The following CHRNE variants were observed in gnomAD, a reference collection of about 807,000 sequenced individuals.
CHRNE encodes cholinergic receptor nicotinic epsilon subunit, also known as acetylcholine receptor subunit epsilon.
A neutral mutation model predicts 56.5 loss-of-function variants in CHRNE; 58 were observed. The observed-to-expected ratio is 1.03, with a 90% CI of 0.83 to 1.28. The LOEUF is 1.28. Ranked by LOEUF, CHRNE falls within the 50% of genes most tolerant of loss-of-function variation. The probability of loss-of-function intolerance (pLI) is 0.00; values close to 1 mark genes in which losing one functional copy is unlikely to be tolerated. For missense variants in CHRNE, 793 were observed against 688.9 expected (o/e 1.15, Z -1.69); for synonymous variants, 385 against 297.9 (o/e 1.29, Z -3.01).
rs1257891898 is a variant in CHRNE at position 4,899,228 on chromosome 17, C to T, written c.1189G>A (p.Gly397Arg). 2.5e-6 allele frequency: 4 copies of T among 1,607,056 alleles called. No individual in the cohort carries two copies. Among genetic ancestry groups the T allele is most frequent in the African/African-American group, 1.3e-5 (1 of 74,820 alleles). The change falls in exon 10 of 12, where the codon GGG becomes AGG. Residue 397 changes from glycine (G) to arginine (R), a missense_variant. Physicochemically the swap from Gly to Arg is moderately radical, Grantham distance 125. Transcript: ENST00000649488. ...KKPRSELVFE[G>R]QRHRQGTWTA... ...CAGGTCCCCTGCCGGTGCCTCTGCC[C>T]CTCAAACACGAGCTCGCTCCGTGGC...
At chr17:4,900,069 C>G in intron 8 of CHRNE, 1 of 1,551,140 alleles carries the variant, frequency 6.4e-7, no homozygotes, top group Non-Finnish European at 8.7e-7. Flanking sequence ...ATGCTGCCTG[C>G]CCCGAAGCCC....
chr17:4,903,630 T>C (rs936354843), upstream of CHRNE, among the ~76,000 whole-genome samples: 1 of 152,100 alleles, frequency 6.6e-6, no homozygotes, highest in African/African-American at 2.4e-5. Flanking sequence ...AGATTCCATC[T>C]AGCAAAGGAG....
Position 4,902,827 on chromosome 17 carries a change from C to A in CHRNE, c.47-64G>T. On this transcript the variant is annotated intron_variant, in intron 1 of 11. Transcript: ENST00000649488. The surrounding 1 kb of genome is among the most constrained non-coding windows in gnomAD (Gnocchi z 4.0). ...AGAGGCTGGAGCACCTCTCTCCCCT[C>A]TGCCTCCCCTGGGTCCTCACAGGCC... The A allele has an allele frequency of 6.2e-7, 1 of 1,611,876 alleles. No homozygotes were observed. Among genetic ancestry groups the A allele is most frequent in the Non-Finnish European group, 8.5e-7 (1 of 1,178,506 alleles).
chr17:4,900,854 A>C lies in CHRNE; in HGVS notation c.856T>G (p.Phe286Val), dbSNP rs756844933. Residue 286 changes from phenylalanine to valine, a missense_variant, in exon 8 of 12, where the codon TTC becomes GTC. Coordinates refer to ENST00000649488, the MANE Select transcript of CHRNE (RefSeq NM_000080.4). ...ATTTTCTGGGCAATGAGGAACAAGA[A>C]GACGGTCTGGGCGAGCAGGACGTTG... ...SINVLLAQTV[F>V]LFLIAQKIPE... The C allele has an allele frequency of 7.4e-6, 12 of 1,614,074 alleles. No homozygotes were observed. Among genetic ancestry groups the C allele is most frequent in the Admixed American group, 6.7e-5 (4 of 60,008 alleles).
chr17:4,898,047 A>C lies in CHRNE; in HGVS notation c.*689T>G, dbSNP rs1452648665. 1.3e-5 allele frequency: 2 copies of C among 148,446 alleles called. No individual in the cohort carries two copies. Among genetic ancestry groups the C allele is most frequent in the South Asian group, 4.1e-4 (2 of 4,888 alleles). 9.2% of individuals were successfully genotyped at this position (148,446 alleles called of 1,614,324 possible). ...TCCTGTTTGTTAATAAAGACAATTC[A>C]ACCAGCTCCCACCATGCAGGCCGCA... On this transcript the variant is annotated 3_prime_UTR_variant, in exon 12 of 12. Transcript: ENST00000649488.
In CHRNE at chr17:4,899,244, G is replaced by A. The variant is rs146921234; in HGVS notation, c.1173C>T (p.Ser391=). Residue 391 remains serine, a synonymous_variant, in exon 10 of 12, where the codon AGC becomes AGT. Coordinates refer to ENST00000649488, the MANE Select transcript of CHRNE (RefSeq NM_000080.4). ...GCCTCTGCCCCTCAAACACGAGCTCGCTCCGTGGCTTTTTCAGTATCAGCT... is the reference window on the plus strand; with the variant it reads ...GCCTCTGCCCCTCAAACACGAGCTCACTCCGTGGCTTTTTCAGTATCAGCT... The part of the protein sequence containing the change: ...AEELILKKPR[S]ELVFEGQRHR... 4.7e-5 allele frequency: 75 copies of A among 1,606,494 alleles called. No individual in the cohort carries two copies. The African/African-American group carries it at 5.9e-4, about 13-fold the overall frequency.
chr17:4,902,463 A>C lies in CHRNE; in HGVS notation c.221T>G (p.Val74Gly), dbSNP rs1326690663. The C allele has an allele frequency of 6.2e-7, 1 of 1,614,144 alleles. No homozygotes were observed. The highest frequency in any genetic ancestry group is 8.5e-7 in the Non-Finnish European group (1 of 1,180,032). ...GATTTGACTCACGATTCCAATCCAGACGCTAGTGGTGAGAGTCTCCTCTTT... is the reference window on the plus strand; with the variant it reads ...GATTTGACTCACGATTCCAATCCAGCCGCTAGTGGTGAGAGTCTCCTCTTT... ...NEKEETLTTS[V>G]WIGIDWQDYR... The change falls in exon 3 of 12, where the codon GTC (valine) becomes GGC (glycine). Residue 74 changes from valine to glycine, a missense_variant. By Grantham distance (109) the Val-to-Gly change is moderately radical. Coordinates refer to ENST00000649488, the MANE Select transcript of CHRNE (RefSeq NM_000080.4). The surrounding 1 kb of genome is among the most constrained non-coding windows in gnomAD (Gnocchi z 4.0).
intron 6 of CHRNE, 158 bp from the exon 7 acceptor site, chr17:4,901,348 G>A: frequency 2.1e-6 from 2 of 966,678 alleles, no homozygotes; most frequent in African/African-American, 1.6e-5. Context: ...TGAGGGTATG[G>A]AAAGCCAGAA....
At chr17:4,900,547 C>A in intron 8 of CHRNE, 1 of 1,550,428 alleles carries the variant, frequency 6.4e-7, no homozygotes, top group Non-Finnish European at 8.7e-7. Flanking sequence ...CCAGAGGCGG[C>A]GGGGCTAGGG....
upstream of CHRNE, among the ~76,000 whole-genome samples, chr17:4,907,434 G>T (rs1970104005): frequency 6.6e-6 from 1 of 151,756 alleles, no homozygotes; most frequent in South Asian, 2.1e-4. Context: ...CGGGCATGGT[G>T]GCGGGCGCCT....
chr17:4,901,734 C>T (rs914116908), intron 5 of CHRNE, 109 bp from the exon 6 acceptor site: 47 of 1,292,110 alleles, frequency 3.6e-5, no homozygotes, highest in Non-Finnish European at 4.2e-5. Context: ...CAAGCCCACC[C>T]CTTCACCCAA....
chr17:4,900,907 G>A lies in CHRNE; in HGVS notation c.803C>T (p.Ala268Val). Residue 268 changes from alanine (A) to valine (V), a missense_variant and splice_region_variant, in exon 8 of 12, where the codon GCC becomes GTC. Physicochemically the swap from Ala to Val is moderately conservative, Grantham distance 64. Transcript: ENST00000649488. ...GGAGACCGTGCATTTCTGGCCGCCG[G>A]CTGGAGGGAGAGCCAGTGAGAGCGG... ...VLLAYFLPAQ[A>V]GGQKCTVSIN... The A allele has an allele frequency of 6.2e-7, 1 of 1,614,200 alleles. No individual in the cohort carries two copies.
At chr17:4,906,098 C>T (rs1395828940), upstream of CHRNE, among the ~76,000 whole-genome samples, 3 of 152,216 alleles carry the variant, frequency 2.0e-5, no homozygotes, top group Non-Finnish European at 4.4e-5. Flanking sequence ...ATCATTTCAC[C>T]ATGGTCTTAG....
upstream of CHRNE, among the ~76,000 whole-genome samples, chr17:4,903,760 A>C (rs1031351491): frequency 6.6e-6 from 1 of 152,118 alleles, no homozygotes; most frequent in Non-Finnish European, 1.5e-5. Flanking sequence ...GTGGTCACAG[A>C]TGATAGTACC....
rs755764652 is a variant in CHRNE, at chr17:4,898,698, C to T, written c.*38G>A. ...CAGCCTACTTTTTCAAAATCAATTTCCTACTGGAGATGGGTGGGAAATTGA... is the reference window on the plus strand; with the variant it reads ...CAGCCTACTTTTTCAAAATCAATTTTCTACTGGAGATGGGTGGGAAATTGA... On this transcript the variant is annotated 3_prime_UTR_variant, in exon 12 of 12. Coordinates refer to ENST00000649488, the MANE Select transcript of CHRNE (RefSeq NM_000080.4). The T allele has an allele frequency of 7.1e-5, 114 of 1,594,772 alleles. No homozygotes were observed. The highest frequency in any genetic ancestry group is 9.6e-5 in the Non-Finnish European group (112 of 1,171,740).
At chr17:4,908,500 A>G (rs1970117825) in intron 1 of CHRNE, among the ~76,000 whole-genome samples, 1 of 145,522 alleles carries the variant, frequency 6.9e-6, no homozygotes, top group African/African-American at 2.6e-5. Context: ...GCTGGGAGCA[A>G]CGCTCAGCCA....
chr17:4,898,924 C>T, intron 11 of CHRNE, 33 bp from the exon 12 acceptor site: 2 of 1,567,502 alleles, frequency 1.3e-6, no homozygotes, highest in Non-Finnish European at 1.7e-6. Context: ...AGTAAAGAGG[C>T]AGCTGCAGGA....
At chr17:4,906,963 G>T (rs1275553950), upstream of CHRNE, among the ~76,000 whole-genome samples, 1 of 152,116 alleles carries the variant, frequency 6.6e-6, no homozygotes, top group African/African-American at 2.4e-5. Flanking sequence ...ATCATTGCAT[G>T]TTCTCACTTA....
Position 4,901,142 on chromosome 17 carries a change from T to G in CHRNE, c.650A>C (p.His217Pro), listed in dbSNP as rs755943507. The part of the protein sequence containing the change: ...IDFCPGVIRR[H>P]HGGATDGPGE... ...TGGGCCGTCGGTGGCGCCACCGTGG[T>G]GGCGGCGGATCACCCCCGGGCAGAA... The change falls in exon 7 of 12, where the codon CAC becomes CCC. Residue 217 changes from histidine (H) to proline (P), a missense_variant. His to Pro is a moderately conservative substitution (Grantham distance 77). Transcript: ENST00000649488. The G allele has an allele frequency of 6.2e-7, 1 of 1,611,294 alleles. No individual in the cohort carries two copies. The highest frequency in any genetic ancestry group is 8.5e-7 in the Non-Finnish European group (1 of 1,179,856).
Sources: gnomAD v4.1 joint callset for allele counts (sites outside exome capture counted in the v4.1 genomes callset) on GRCh38, gnomAD v4.1.1 for gene constraint, Gnocchi (gnomAD v3.1) non-coding constraint, MANE v1.5 for transcripts, NCBI Gene and HGNC (gene_info 2026-07-23, HGNC 2026-07-21) for gene names.